Variants in IGSF3 observed in about 807,000 individuals in gnomAD.
The protein encoded by IGSF3 is immunoglobulin superfamily member 3.
IGSF3 carries 23 observed loss-of-function variants against 114.4 expected under a neutral mutation model. The ratio of observed to expected loss-of-function variants is 0.20; its 90% CI spans 0.14 to 0.28. The LOEUF is 0.28. IGSF3 is among the 10% of genes least tolerant of loss of function. The pLI is 1.00. For missense variants in IGSF3, 1,172 were observed against 1,591.5 expected (o/e 0.74, Z 4.48); for synonymous variants, 571 against 645.2 (o/e 0.88, Z 1.74).
rs372102204 is a variant in IGSF3 at position 116,600,166 on chromosome 1, C to T, written c.1804G>A (p.Gly602Arg). The T allele has an allele frequency of 1.3e-5, 21 of 1,613,962 alleles. No individual in the cohort carries two copies. Among genetic ancestry groups the T allele is most frequent in the African/African-American group, 6.7e-5 (5 of 74,938 alleles). Residue 602 changes from glycine to arginine, a missense_variant, in exon 7 of 11, where the codon GGA (glycine) becomes AGA (arginine). Gly to Arg is a moderately radical substitution (Grantham distance 125). Transcript: ENST00000369486. The surrounding 1 kb of genome is among the most constrained non-coding windows in gnomAD (Gnocchi z 5.5). Reference sequence around the variant, plus strand: ...GACCTGTCCCCCCACTGGACCCCTCCGTCCCGGGTGAAGGTCACCAAGTCA... The same window carrying T: ...GACCTGTCCCCCCACTGGACCCCTCTGTCCCGGGTGAAGGTCACCAAGTCA... ...FHDLVTFTRD[G>R]GVQWGDRSSS...
At chr1:116,667,009 T>A (rs1468829230) in intron 1 of IGSF3, 53 bp from the exon 2 acceptor site, 2 of 398,064 alleles carry the variant, frequency 5.0e-6, no homozygotes, top group Admixed American at 4.3e-5. Flanking sequence ...CAAAACCCAC[T>A]GGGGCTGAGC....
At position 116,575,940 on chromosome 1, in the gene IGSF3, A is replaced by G. The variant is rs768065824; in HGVS notation, c.*1372T>C. On this transcript the variant is annotated 3_prime_UTR_variant, in exon 11 of 11. Transcript: ENST00000369486. The surrounding 1 kb of genome is among the most constrained non-coding windows in gnomAD (Gnocchi z 5.6). ...AAGGGAAAGGAAAAATCCCACAGAC[A>G]ATGCCTTGTGATCACAGTCTGCTGA... is the stretch of plus-strand genomic sequence containing the variant. 6.6e-6 allele frequency: 1 copy of G among 152,232 alleles called. No individual in the cohort carries two copies. The highest frequency in any genetic ancestry group is 2.4e-5 in the African/African-American group (1 of 41,428). The allele number at this position is 152,232 out of a possible 1,614,324, so 9.4% of individuals were successfully genotyped here.
chr1:116,653,581 C>T (rs55716605), intron 2 of IGSF3, among the ~76,000 whole-genome samples: 13,567 of 152,206 alleles, frequency 0.089, 780 homozygotes, highest in South Asian at 0.16. Flanking sequence ...ACAAAGATGA[C>T]GTGCATCAGA....
At position 116,664,781 on chromosome 1, in the gene IGSF3, G is replaced by A. The variant is rs1414937206; in HGVS notation, c.43+1503C>T. Among the ~76,000 whole-genome samples the A allele has an allele frequency of 2.6e-5, 4 of 152,206 alleles. No individual in the cohort carries two copies. The highest frequency in any genetic ancestry group is 2.6e-4 in the Admixed American group (4 of 15,282). On this transcript the variant is annotated intron_variant, in intron 2 of 10. Coordinates refer to ENST00000369486, the MANE Select transcript of IGSF3 (RefSeq NM_001007237.3). The surrounding 1 kb of genome is among the most constrained non-coding windows in gnomAD (Gnocchi z 4.6). ...GAACAGAAGACTAACTAAACTACCA[G>A]CAGGGTGTCTGCATGCGTTGGGTGG...
At chr1:116,626,120 TTTAC>T (rs1407569640) in intron 2 of IGSF3, among the ~76,000 whole-genome samples, 5 of 152,220 alleles carry the variant, frequency 3.3e-5, no homozygotes, top group African/African-American at 9.6e-5. Flanking sequence ...GATTAGAATA[TTTAC>T]TTAAATATTT....
rs1648231816 is a variant in IGSF3 at position 116,644,050 on chromosome 1, C to A, written c.43+22234G>T. ...TGCTCAGCCCTCTCACTGTGACAATCCCTTAGAAAGGGGTCCCACGCTGTC... is the reference window on the plus strand; with the variant it reads ...TGCTCAGCCCTCTCACTGTGACAATACCTTAGAAAGGGGTCCCACGCTGTC... On this transcript the variant is annotated intron_variant, in intron 2 of 10. Coordinates refer to ENST00000369486, the MANE Select transcript of IGSF3 (RefSeq NM_001007237.3). This position sits in a 1 kb window ranked among gnomAD's most constrained non-coding sequence, Gnocchi z 5.6. 1.3e-5 allele frequency among the ~76,000 whole-genome samples: 2 copies of A among 152,214 alleles called. No individual in the cohort carries two copies. Among genetic ancestry groups the A allele is most frequent in the South Asian group, 4.1e-4 (2 of 4,832 alleles).
rs541477908 is a variant in IGSF3 at position 116,593,347 on chromosome 1, G to T, written c.2030-4243C>A. On this transcript the variant is annotated intron_variant, in intron 7 of 10. Coordinates refer to ENST00000369486, the MANE Select transcript of IGSF3 (RefSeq NM_001007237.3). The surrounding 1 kb of genome is among the most constrained non-coding windows in gnomAD (Gnocchi z 4.5). ...GAAGGTGGTTTCTGTGCAGTGCTGT[G>T]AGCAGCAGCCAGAGTGGCACGTGCA... Among the ~76,000 whole-genome samples, 1 of 152,342 alleles carries T rather than the reference G, an allele frequency of 6.6e-6. No individual in the cohort carries two copies. The highest frequency in any genetic ancestry group is 2.1e-4 in the South Asian group (1 of 4,834).
At chr1:116,630,743 T>C (rs1054950844) in intron 2 of IGSF3, among the ~76,000 whole-genome samples, 6 of 152,202 alleles carry the variant, frequency 3.9e-5, no homozygotes, top group East Asian at 3.8e-4. Flanking sequence ...AGGTGTTCCA[T>C]GGGCGTCAGG....
Position 116,600,323 on chromosome 1 carries a change from G to A in IGSF3, c.1647C>T (p.Ala549=). 1 of 1,609,652 alleles carries A rather than the reference G, an allele frequency of 6.2e-7. No individual in the cohort carries two copies. Among genetic ancestry groups the A allele is most frequent in the Non-Finnish European group, 8.5e-7 (1 of 1,177,244 alleles). ...TALEMGFAVT[A]ISRTPGVTYS... ...AGGTCACCCCCGGTGTCCGGGAGAT[G>A]GCTGTGACTGCGAAGCCCATTTCTG... Residue 549 remains alanine, a synonymous_variant, in exon 7 of 11, where the codon GCC becomes GCT. Coordinates refer to ENST00000369486, the MANE Select transcript of IGSF3 (RefSeq NM_001007237.3). This position sits in a 1 kb window ranked among gnomAD's most constrained non-coding sequence, Gnocchi z 5.5.
Position 116,633,973 on chromosome 1 carries a change from G to A in IGSF3, c.44-17516C>T, listed in dbSNP as rs1222095208. On this transcript the variant is annotated intron_variant, in intron 2 of 10. Transcript: ENST00000369486. The surrounding 1 kb of genome is among the most constrained non-coding windows in gnomAD (Gnocchi z 4.3). Reference sequence around the variant, plus strand: ...GCTATGGAAGGGCCTCTATGCCATCGAGGCTAAAACCAAAGCAGGAGCAAA... The same window carrying A: ...GCTATGGAAGGGCCTCTATGCCATCAAGGCTAAAACCAAAGCAGGAGCAAA... Among the ~76,000 whole-genome samples the A allele has an allele frequency of 6.6e-6, 1 of 152,046 alleles. No individual in the cohort carries two copies. Among genetic ancestry groups the A allele is most frequent in the African/African-American group, 2.4e-5 (1 of 41,444 alleles).
At chr1:116,606,465 A>G (rs1557867867) in intron 5 of IGSF3, 1 of 1,612,838 alleles carries the variant, frequency 6.2e-7, no homozygotes, top group Non-Finnish European at 8.5e-7. Context: ...TACCGATGTG[A>G]TTGTTGTTGT....
In IGSF3 at chr1:116,577,349, G is replaced by T; in HGVS notation, c.3548C>A (p.Pro1183His). The T allele has an allele frequency of 6.2e-7, 1 of 1,614,124 alleles. No homozygotes were observed. The highest frequency in any genetic ancestry group is 1.7e-5 in the Admixed American group (1 of 60,028). ...CCCTGGATGGATACTGAGAACAGGG[G>T]GCTCCAGGCAAGTAGGGGAGTAGTT... is the stretch of plus-strand genomic sequence containing the variant. ...HLNYSPTCLE[P>H]PVLSIHPGAI... Residue 1183 changes from proline (P) to histidine (H), a missense_variant, in exon 11 of 11, where the codon CCC becomes CAC. Pro to His is a moderately conservative substitution (Grantham distance 77). Transcript: ENST00000369486. The surrounding 1 kb of genome is among the most constrained non-coding windows in gnomAD (Gnocchi z 5.7).
Position 116,585,184 on chromosome 1 carries a change from G to A in IGSF3, c.2441-132C>T, listed in dbSNP as rs1659784135. On this transcript the variant is annotated intron_variant, in intron 8 of 10. Coordinates refer to ENST00000369486, the MANE Select transcript of IGSF3 (RefSeq NM_001007237.3). This position sits in a 1 kb window ranked among gnomAD's most constrained non-coding sequence, Gnocchi z 4.9. ...CAGCACACACTCCATTAGGAGAAAC[G>A]TTTCTCAGATGTGGCTCCCTAAACA... The A allele has an allele frequency of 1.1e-5, 7 of 633,794 alleles. No homozygotes were observed. The highest frequency in any genetic ancestry group is 7.3e-5 in the African/African-American group (4 of 54,998). The allele number at this position is 633,794 out of a possible 1,614,324, so 39.3% of individuals were successfully genotyped here.
In IGSF3 at chr1:116,592,367, G is replaced by A. The variant is rs1305825131; in HGVS notation, c.2030-3263C>T. Among the ~76,000 whole-genome samples, 4 of 152,244 alleles carry A rather than the reference G, an allele frequency of 2.6e-5. No homozygotes were observed. The highest frequency in any genetic ancestry group is 4.4e-5 in the Non-Finnish European group (3 of 68,044). On this transcript the variant is annotated intron_variant, in intron 7 of 10. Transcript: ENST00000369486. This position sits in a 1 kb window ranked among gnomAD's most constrained non-coding sequence, Gnocchi z 4.5. The stretch of plus-strand genomic sequence containing the variant: ...CCAGCAAGAGACAGGAAGAGGGTCC[G>A]AGAGTTGCTCCAGCTCACGCCAGCA...
At position 116,577,714 on chromosome 1, in the gene IGSF3, G is replaced by C. The variant is rs960132911; in HGVS notation, c.3335-152C>G. On this transcript the variant is annotated intron_variant, in intron 10 of 10. Transcript: ENST00000369486. The surrounding 1 kb of genome is among the most constrained non-coding windows in gnomAD (Gnocchi z 5.7). ...TCCCCTGCTACCATTAATGGTGGAA[G>C]ATGACCCTTATATTCTTTTTCTCGC... is the stretch of plus-strand genomic sequence containing the variant. 1 of 673,606 alleles carries C rather than the reference G, an allele frequency of 1.5e-6. No individual in the cohort carries two copies. The highest frequency in any genetic ancestry group is 1.8e-5 in the African/African-American group (1 of 55,736). 41.7% of individuals were successfully genotyped at this position (673,606 alleles called of 1,614,324 possible). A position where few individuals can be genotyped will look rare whatever the true frequency, so the allele number is the denominator to read the frequency against.
rs540104614 is a variant in IGSF3 at position 116,624,312 on chromosome 1, C to G, written c.44-7855G>C. Among the ~76,000 whole-genome samples, 1 of 152,140 alleles carries G rather than the reference C, an allele frequency of 6.6e-6. No homozygotes were observed. Among genetic ancestry groups the G allele is most frequent in the African/African-American group, 2.4e-5 (1 of 41,414 alleles). ...AGTTTGGATCGAATTCCTAAGTCTT[C>G]GCCTTCACTGACTTCCCACAGCATG... On this transcript the variant is annotated intron_variant, in intron 2 of 10. Transcript: ENST00000369486. This position sits in a 1 kb window ranked among gnomAD's most constrained non-coding sequence, Gnocchi z 4.9.
At chr1:116,599,081 C>A (rs1327889733) in intron 7 of IGSF3, among the ~76,000 whole-genome samples, 2 of 152,144 alleles carry the variant, frequency 1.3e-5, no homozygotes, top group Non-Finnish European at 2.9e-5. Flanking sequence ...GGTTCAAATC[C>A]TGGCTCCACC....
chr1:116,663,148 G>A (rs561728678), intron 2 of IGSF3, among the ~76,000 whole-genome samples: 1 of 152,272 alleles, frequency 6.6e-6, no homozygotes, highest in African/African-American at 2.4e-5. Flanking sequence ...TGGTCTGGGA[G>A]GTATATAACT....
chr1:116,620,554 T>C (rs1456348084), intron 2 of IGSF3, among the ~76,000 whole-genome samples: 1 of 152,166 alleles, frequency 6.6e-6, no homozygotes, highest in Admixed American at 6.5e-5. Context: ...AATGGTGGAA[T>C]GTGACTTCCA....
Sources: gnomAD v4.1 joint callset for allele counts (sites outside exome capture counted in the v4.1 genomes callset) on GRCh38, gnomAD v4.1.1 for gene constraint, Gnocchi (gnomAD v3.1) non-coding constraint, MANE v1.5 for transcripts, NCBI Gene and HGNC (gene_info 2026-07-23, HGNC 2026-07-21) for gene names.